Variants in KCNQ5 observed in about 807,000 individuals in gnomAD.
The protein encoded by KCNQ5 is potassium voltage-gated channel subfamily KQT member 5.
In KCNQ5, 30 loss-of-function variants were observed where a neutral mutation model predicts 98.2. The observed-to-expected ratio is 0.31, with a 90% CI of 0.23 to 0.41. KCNQ5 has a LOEUF of 0.41. KCNQ5 is among the 10% of genes least tolerant of loss of function. KCNQ5 has a pLI of 1.00. For synonymous variants in KCNQ5, 458 were observed against 449.4 expected (o/e 1.02, Z -0.24); for missense variants, 835 against 1,182.5 (o/e 0.71, Z 4.31).
At chr6:72,985,342 A>C (rs1214265244) in intron 1 of KCNQ5, among the ~76,000 whole-genome samples, 1 of 152,258 alleles carries the variant, frequency 6.6e-6, no homozygotes, top group Admixed American at 6.5e-5. Flanking sequence ...TGTAACTAAC[A>C]GCATATTTTT....
At chr6:72,821,394 C>T (rs1412142911) in intron 1 of KCNQ5, among the ~76,000 whole-genome samples, 1 of 152,128 alleles carries the variant, frequency 6.6e-6, no homozygotes, top group Non-Finnish European at 1.5e-5. Context: ...TACCTTTTTC[C>T]TTGAGCTCAG....
chr6:72,981,011 A>C (rs774453036), intron 1 of KCNQ5, among the ~76,000 whole-genome samples: 64 of 151,198 alleles, frequency 4.2e-4, no homozygotes, highest in Admixed American at 7.9e-4. Context: ...GGATGAAGCC[A>C]ACTTGGTCTT....
At chr6:73,129,567 T>C (rs116161254) in intron 9 of KCNQ5, among the ~76,000 whole-genome samples, 347 of 152,370 alleles carry the variant, frequency 2.3e-3, no homozygotes, top group African/African-American at 7.9e-3. Flanking sequence ...ATCATTTGTA[T>C]GTAATGCCTA....
chr6:72,791,106 G>A (rs533653995), intron 1 of KCNQ5, among the ~76,000 whole-genome samples: 3 of 152,164 alleles, frequency 2.0e-5, no homozygotes, highest in Non-Finnish European at 2.9e-5. Flanking sequence ...GGCTTCTTCC[G>A]TAGAGAAGCT....
intron 12 of KCNQ5, among the ~76,000 whole-genome samples, chr6:73,191,826 T>C (rs1312487254): frequency 6.6e-6 from 1 of 152,210 alleles, no homozygotes; most frequent in Non-Finnish European, 1.5e-5. Flanking sequence ...ATGTTTCTCT[T>C]CAGACAAAGT....
chr6:72,998,307 T>G (rs1476940434), intron 1 of KCNQ5, among the ~76,000 whole-genome samples: 1 of 152,228 alleles, frequency 6.6e-6, no homozygotes, highest in African/African-American at 2.4e-5. Context: ...AAAGCAATAC[T>G]TAAAGTTTAT....
At chr6:73,154,255 A>G (rs538825126) in intron 10 of KCNQ5, among the ~76,000 whole-genome samples, 4 of 152,232 alleles carry the variant, frequency 2.6e-5, no homozygotes, top group African/African-American at 9.6e-5. Flanking sequence ...ATTTTAAAAA[A>G]CTCACTTGTA....
At chr6:72,830,141 G>A (rs1357416018) in intron 1 of KCNQ5, among the ~76,000 whole-genome samples, 1 of 152,136 alleles carries the variant, frequency 6.6e-6, no homozygotes, top group Non-Finnish European at 1.5e-5. Flanking sequence ...TCAATATCGT[G>A]AAAATGGCCA....
intron 10 of KCNQ5, among the ~76,000 whole-genome samples, chr6:73,156,033 G>A (rs1777349178): frequency 6.6e-6 from 1 of 152,140 alleles, no homozygotes; most frequent in African/African-American, 2.4e-5. Context: ...CAGGGCCCAA[G>A]CAGTTACTCT....
At position 72,660,402 on chromosome 6, in the gene KCNQ5, T is replaced by G. The variant is rs1000691085; in HGVS notation, c.398+37815T>G. ...CGTTCTCTCCTTTCTTTGTAACTGT[T>G]TAACCTCTTAACATGGTATACTCAA... On this transcript the variant is annotated intron_variant, in intron 1 of 13. Coordinates refer to ENST00000370398, the MANE Select transcript of KCNQ5 (RefSeq NM_019842.4). 3.3e-5 allele frequency among the ~76,000 whole-genome samples: 5 copies of G among 152,208 alleles called. No individual in the cohort carries two copies. The South Asian group carries it at 6.2e-4, about 19-fold the overall frequency.
At chr6:73,007,717 C>T (rs1769876857) in intron 2 of KCNQ5, among the ~76,000 whole-genome samples, 1 of 152,174 alleles carries the variant, frequency 6.6e-6, no homozygotes, top group Admixed American at 6.5e-5. Context: ...GCAAAAAGAA[C>T]TCTGTCCTCC....
At chr6:72,885,037 AATATT>A (rs1191569434) in intron 1 of KCNQ5, among the ~76,000 whole-genome samples, 65 of 152,318 alleles carry the variant, frequency 4.3e-4, no homozygotes, top group African/African-American at 1.5e-3. Flanking sequence ...TTTAAAATGA[AATATT>A]AATAATGGCA....
intron 1 of KCNQ5, among the ~76,000 whole-genome samples, chr6:72,796,352 A>G (rs1774335491): frequency 6.6e-6 from 1 of 152,018 alleles, no homozygotes; most frequent in Non-Finnish European, 1.5e-5. Context: ...CTGGAATCCC[A>G]CTCCCAAGCC....
At chr6:73,183,273 T>C (rs190176809) in intron 11 of KCNQ5, among the ~76,000 whole-genome samples, 17 of 152,328 alleles carry the variant, frequency 1.1e-4, no homozygotes, top group Admixed American at 8.5e-4. Flanking sequence ...GTAACCTTGT[T>C]CTTACTAGTT....
At chr6:72,704,295 C>A (rs1768965179) in intron 1 of KCNQ5, among the ~76,000 whole-genome samples, 2 of 151,992 alleles carry the variant, frequency 1.3e-5, no homozygotes, top group Admixed American at 1.3e-4. Flanking sequence ...AAATTATTTT[C>A]TAAAACCTCC....
intron 1 of KCNQ5, among the ~76,000 whole-genome samples, chr6:72,977,454 TA>T (rs1382178380): frequency 2.0e-5 from 3 of 152,154 alleles, no homozygotes; most frequent in Non-Finnish European, 4.4e-5. Flanking sequence ...GTGAGGATCT[TA>T]AAAGCCAGAT....
chr6:72,713,680 A>C (rs866872985), intron 1 of KCNQ5, among the ~76,000 whole-genome samples: 2 of 152,206 alleles, frequency 1.3e-5, no homozygotes, highest in African/African-American at 4.8e-5. Flanking sequence ...TTATGCATCT[A>C]TTCTAGGCTA....
At chr6:72,758,907 A>AT (rs537193703) in intron 1 of KCNQ5, among the ~76,000 whole-genome samples, 276 of 152,288 alleles carry the variant, frequency 1.8e-3, no homozygotes, top group Middle Eastern at 3.4e-3. Flanking sequence ...GATTAAAGGA[A>AT]TAAAGCCATA....
At chr6:72,823,746 C>T (rs1775864182) in intron 1 of KCNQ5, among the ~76,000 whole-genome samples, 1 of 152,006 alleles carries the variant, frequency 6.6e-6, no homozygotes. Context: ...CTAAATGCTA[C>T]CTCAGGAGCT....
Sources: gnomAD v4.1 joint callset for allele counts (sites outside exome capture counted in the v4.1 genomes callset) on GRCh38, gnomAD v4.1.1 for gene constraint, MANE v1.5 for transcripts, NCBI Gene and HGNC (gene_info 2026-07-23, HGNC 2026-07-21) for gene names.